The following STK24 variants were observed in gnomAD, a reference collection of about 807,000 sequenced individuals.
STK24 encodes serine/threonine-protein kinase 24.
A neutral mutation model predicts 55.6 loss-of-function variants in STK24; 21 were observed. That is an observed-to-expected ratio of 0.38 (90% CI 0.27 to 0.54). STK24 has a LOEUF of 0.54. Ranked by LOEUF, STK24 falls within the 20% of genes least tolerant of loss-of-function variation. The probability of loss-of-function intolerance (pLI) is 0.79; values close to 1 mark genes in which losing one functional copy is unlikely to be tolerated. For synonymous variants in STK24, 200 were observed against 215.2 expected, an observed-to-expected ratio of 0.93 and a Z score of 0.62; for missense variants, 383 against 538.4, an observed-to-expected ratio of 0.71 and a Z score of 2.86.
At chr13:98,483,095 G>A (rs1391783907) in intron 2 of STK24, among the ~76,000 whole-genome samples, 1 of 152,230 alleles carries the variant, frequency 6.6e-6, no homozygotes, top group Non-Finnish European at 1.5e-5. Flanking sequence ...CTACTCCCTG[G>A]AAAACAAGCC....
rs1428645378 is a variant in STK24 at position 98,449,720 on chromosome 13, A to AAAAT, written c.*3449_*3452dup. 1.3e-5 allele frequency: 2 copies of AAAAT among 152,542 alleles called. No homozygotes were observed. Among genetic ancestry groups the AAAAT allele is most frequent in the Non-Finnish European group, 2.9e-5 (2 of 68,030 alleles). The allele number at this position is 152,542 out of a possible 1,614,324, so 9.4% of individuals were successfully genotyped here. On this transcript the variant is annotated 3_prime_UTR_variant, in exon 11 of 11. Coordinates refer to ENST00000539966, the MANE Select transcript of STK24 (RefSeq NM_001032296.4). ...GTTTCCAGTACTAACAAAGGGAATA[A>AAAAT]AAATACCTCACGCCACAATCCAGCA... is the stretch of plus-strand genomic sequence containing the variant.
chr13:98,567,929 G>GT (rs1396862294), intron 1 of STK24, among the ~76,000 whole-genome samples: 8 of 117,102 alleles, frequency 6.8e-5, no homozygotes, highest in Admixed American at 4.6e-4. Context: ...GTAGGTAGTG[G>GT]TTTAAAAAAA....
At chr13:98,572,143 T>C (rs1207182643) in intron 1 of STK24, among the ~76,000 whole-genome samples, 1 of 152,170 alleles carries the variant, frequency 6.6e-6, no homozygotes. Context: ...TGCAACCTTC[T>C]TAGAGCACAT....
intron 1 of STK24, among the ~76,000 whole-genome samples, chr13:98,520,264 T>C (rs949718396): frequency 1.3e-5 from 2 of 152,208 alleles, no homozygotes; most frequent in African/African-American, 4.8e-5. Context: ...GCAATCCCGA[T>C]GTTTAGCAAG....
At chr13:98,542,323 T>C (rs1167879942) in intron 1 of STK24, among the ~76,000 whole-genome samples, 3 of 151,914 alleles carry the variant, frequency 2.0e-5, no homozygotes, top group African/African-American at 7.3e-5. Context: ...TCCAGCCAAC[T>C]CTCTCGTCTG....
chr13:98,482,177 G>T (rs1894614220), intron 3 of STK24, 88 bp downstream of exon 3: 2 of 662,084 alleles, frequency 3.0e-6, no homozygotes, highest in South Asian at 3.3e-5. Flanking sequence ...GAAAGAAAAA[G>T]AAATGGATAC....
At chr13:98,483,185 C>CCA (rs1894666994) in intron 2 of STK24, among the ~76,000 whole-genome samples, 1 of 152,236 alleles carries the variant, frequency 6.6e-6, no homozygotes, top group Non-Finnish European at 1.5e-5. Flanking sequence ...ATCCCGACTC[C>CCA]CACTTCACGA....
intron 1 of STK24, among the ~76,000 whole-genome samples, chr13:98,523,168 C>A (rs1950567964): frequency 6.6e-6 from 1 of 152,202 alleles, no homozygotes; most frequent in Admixed American, 6.5e-5. Flanking sequence ...CCACTCGGCA[C>A]AGGCTGGGAC....
In STK24 at chr13:98,535,387, ATATG is replaced by A. The variant is rs1896697979; in HGVS notation, c.43-15918_43-15915del. 1.1e-4 allele frequency among the ~76,000 whole-genome samples: 14 copies of A among 126,664 alleles called. 1 individual carries two copies. Among genetic ancestry groups the A allele is most frequent in the Admixed American group, 6.6e-4 (8 of 12,130 alleles). 83.1% of individuals were successfully genotyped at this position (126,664 alleles called of 152,430 possible). ...AAAAAAAAAATATATATATATATAT[ATATG>A]TGTGTATACACACACACACACACAC... On this transcript the variant is annotated intron_variant, in intron 1 of 10. Transcript: ENST00000539966.
At chr13:98,568,287 G>A (rs189277269) in intron 1 of STK24, among the ~76,000 whole-genome samples, 32 of 152,120 alleles carry the variant, frequency 2.1e-4, no homozygotes, top group African/African-American at 6.5e-4. Flanking sequence ...ATGAGCCATC[G>A]CGCCGGGCCA....
At chr13:98,471,516 A>C (rs1416625480) in intron 5 of STK24, among the ~76,000 whole-genome samples, 1 of 152,154 alleles carries the variant, frequency 6.6e-6, no homozygotes, top group Non-Finnish European at 1.5e-5. Context: ...CAAACAAACC[A>C]AACTTCCCCA....
chr13:98,462,480 C>A (rs1893747746), intron 7 of STK24, among the ~76,000 whole-genome samples: 1 of 152,106 alleles, frequency 6.6e-6, no homozygotes, highest in African/African-American at 2.4e-5. Context: ...GAGCCCCAGG[C>A]CCTGCTGATC....
At chr13:98,490,403 C>T (rs1594605599) in intron 2 of STK24, among the ~76,000 whole-genome samples, 1 of 152,146 alleles carries the variant, frequency 6.6e-6, no homozygotes, top group Non-Finnish European at 1.5e-5. Context: ...TAAAGTCCAG[C>T]CCTATCACTT....
chr13:98,515,629 C>A (rs1173553432), intron 2 of STK24, among the ~76,000 whole-genome samples: 1 of 152,214 alleles, frequency 6.6e-6, no homozygotes, highest in Non-Finnish European at 1.5e-5. Flanking sequence ...GACTTCATCA[C>A]TGCTACTGTC....
intron 5 of STK24, among the ~76,000 whole-genome samples, chr13:98,466,957 G>A (rs1441117614): frequency 2.0e-5 from 3 of 152,174 alleles, no homozygotes; most frequent in South Asian, 2.1e-4. Flanking sequence ...CTCTGAGGTC[G>A]AGAGTGGGCA....
intron 1 of STK24, among the ~76,000 whole-genome samples, chr13:98,565,587 G>A (rs1288882849): frequency 3.3e-5 from 5 of 149,560 alleles, no homozygotes; most frequent in African/African-American, 9.8e-5. Flanking sequence ...AGCCGAGATC[G>A]TGCCATTGCA....
intron 10 of STK24, chr13:98,454,050 GTATATGTGCAC>G (rs1488754536): frequency 1.3e-5 from 2 of 152,174 alleles, no homozygotes; most frequent in African/African-American, 4.8e-5. Flanking sequence ...TATTCAGCCT[GTATATGTGCAC>G]TATATAAGTA....
chr13:98,473,856 G>C lies in STK24; in HGVS notation c.597+965C>G, dbSNP rs143432499. Among the ~76,000 whole-genome samples, 72 of 152,332 alleles carry C rather than the reference G, an allele frequency of 4.7e-4. No homozygotes were observed. In the East Asian group the frequency reaches 0.013, roughly 27 times the overall value. On this transcript the variant is annotated intron_variant, in intron 5 of 10. Coordinates refer to ENST00000539966, the MANE Select transcript of STK24 (RefSeq NM_001032296.4). ...GTCTATAGCTTGCAACGGTGACCTG[G>C]GTCTGCAGGGAAAGTCACCTGGTGC...
At chr13:98,556,402 G>A (rs559026997) in intron 1 of STK24, among the ~76,000 whole-genome samples, 2 of 152,330 alleles carry the variant, frequency 1.3e-5, no homozygotes, top group East Asian at 1.9e-4. Context: ...AAGCCCTCAC[G>A]TTCCACTGTA....
Sources: gnomAD v4.1 joint callset for allele counts (sites outside exome capture counted in the v4.1 genomes callset) on GRCh38, gnomAD v4.1.1 for gene constraint, MANE v1.5 for transcripts, NCBI Gene and HGNC (gene_info 2026-07-23, HGNC 2026-07-21) for gene names.